The following C8B variants were observed in gnomAD, a reference collection of about 807,000 sequenced individuals.
The protein encoded by C8B is complement C8 beta chain, also known as complement component C8 beta chain.
A neutral mutation model predicts 64.6 loss-of-function variants in C8B; 67 were observed. The observed-to-expected ratio is 1.04, with a 90% CI of 0.85 to 1.27. The LOEUF (loss-of-function observed/expected upper bound fraction) is 1.27, where lower values mean the gene tolerates loss of function less well. Ranked by LOEUF, C8B falls within the 50% of genes most tolerant of loss-of-function variation. C8B has a pLI of 0.00. For missense variants in C8B, 790 were observed against 725.2 expected, an observed-to-expected ratio of 1.09 and a Z score of -1.03; for synonymous variants, 284 against 257.7, an observed-to-expected ratio of 1.10 and a Z score of -0.98.
At chr1:56,933,003 C>T (rs667093) in intron 10 of C8B, among the ~76,000 whole-genome samples, 1 of 152,144 alleles carries the variant, frequency 6.6e-6, no homozygotes, top group African/African-American at 2.4e-5. Flanking sequence ...CTTGCTGCTA[C>T]CCCCAAATCT....
At chr1:56,959,274 T>A (rs899829551) in intron 2 of C8B, among the ~76,000 whole-genome samples, 5 of 152,198 alleles carry the variant, frequency 3.3e-5, no homozygotes, top group Non-Finnish European at 7.3e-5. Context: ...GTCTACACAT[T>A]GAAAATGCAG....
rs1645076694 is a variant in C8B, at chr1:56,954,712, G to T, written c.507C>A (p.Tyr169Ter). 2 of 1,613,994 alleles carry T rather than the reference G, an allele frequency of 1.2e-6. No homozygotes were observed. The highest frequency in any genetic ancestry group is 1.7e-6 in the Non-Finnish European group (2 of 1,179,998). Reference protein sequence around the residue: ...YKKCQHEMDQYWGIGSLASGI... With the variant: ...YKKCQHEMDQ ...CACTGGCCAGACTGCCAATTCCCCA[G>T]TATTGGTCCATTTCATGCTGACATT... Residue 169 changes from tyrosine (Y) to a stop codon, truncating the protein, a stop_gained, in exon 4 of 12, where the codon TAC (tyrosine) becomes TAA (stop). Transcript: ENST00000371237. LOFTEE classifies it high-confidence loss of function.
chr1:56,948,986 C>T (rs1644981626), intron 6 of C8B, among the ~76,000 whole-genome samples: 1 of 149,282 alleles, frequency 6.7e-6, no homozygotes, highest in Non-Finnish European at 1.5e-5. Flanking sequence ...TCTGCCTGGT[C>T]TCTCTAAAAA....
rs1471248514 is a variant in C8B at position 56,965,848 on chromosome 1, G to T, written c.92+9C>A. On this transcript the variant is annotated intron_variant, in intron 1 of 11. Transcript: ENST00000371237. Reference sequence around the variant, plus strand: ...ATTGATCAGGGAATTATTGGTAACTGTCACTTACCTGGAGCCAGGCAAACT... The same window carrying T: ...ATTGATCAGGGAATTATTGGTAACTTTCACTTACCTGGAGCCAGGCAAACT... 1.9e-6 allele frequency: 3 copies of T among 1,613,992 alleles called. No individual in the cohort carries two copies. The South Asian group carries it at 3.3e-5, about 18-fold the overall frequency.
At chr1:56,958,655 G>A (rs1403309612) in intron 2 of C8B, among the ~76,000 whole-genome samples, 1 of 152,206 alleles carries the variant, frequency 6.6e-6, no homozygotes, top group Non-Finnish European at 1.5e-5. Flanking sequence ...CTGAGGGAAC[G>A]TCTGCGGCAG....
At chr1:56,959,011 C>T (rs974722838) in intron 2 of C8B, among the ~76,000 whole-genome samples, 2 of 152,188 alleles carry the variant, frequency 1.3e-5, no homozygotes, top group African/African-American at 4.8e-5. Flanking sequence ...GGCTGAATGA[C>T]AGATATTGCG....
chr1:56,943,568 G>T, intron 8 of C8B, 128 bp downstream of exon 8: 1 of 1,082,992 alleles, frequency 9.2e-7, no homozygotes. Flanking sequence ...ATAAAAAACA[G>T]AAGGACATAG....
chr1:56,959,521 C>T, intron 2 of C8B: 1 of 1,432,796 alleles, frequency 7.0e-7, no homozygotes, highest in South Asian at 1.2e-5. Flanking sequence ...TGGGAAATGT[C>T]ATCCTACCTG....
intron 3 of C8B, 104 bp from the exon 4 acceptor site, chr1:56,954,931 A>T: frequency 7.5e-7 from 1 of 1,337,604 alleles, no homozygotes; most frequent in South Asian, 1.2e-5. Context: ...CAGGCCTTGC[A>T]TGCTGCCCTG....
intron 8 of C8B, among the ~76,000 whole-genome samples, chr1:56,943,239 C>A (rs567237068): frequency 1.3e-5 from 2 of 152,258 alleles, no homozygotes; most frequent in South Asian, 4.1e-4. Context: ...CCCAGCAATT[C>A]CAGTCCTGTG....
At chr1:56,935,558 T>C (rs896392964) in intron 9 of C8B, among the ~76,000 whole-genome samples, 1 of 152,256 alleles carries the variant, frequency 6.6e-6, no homozygotes, top group Admixed American at 6.5e-5. Context: ...CAAGTTTCCA[T>C]ACTAAACCTT....
At chr1:56,947,574 T>C (rs947440413) in intron 6 of C8B, among the ~76,000 whole-genome samples, 2 of 152,202 alleles carry the variant, frequency 1.3e-5, no homozygotes, top group African/African-American at 2.4e-5. Context: ...TTTTCTAGGA[T>C]TGCATTGTAC....
chr1:56,938,837 C>T (rs936504745), intron 9 of C8B, among the ~76,000 whole-genome samples: 2 of 152,090 alleles, frequency 1.3e-5, no homozygotes, highest in Middle Eastern at 3.4e-3. Flanking sequence ...GTTGGCTTTG[C>T]GGAGAAGAAT....
chr1:56,951,697 T>G (rs1645022925), intron 5 of C8B, among the ~76,000 whole-genome samples: 1 of 152,144 alleles, frequency 6.6e-6, no homozygotes. Flanking sequence ...CCTCTATAAC[T>G]CCCAATTTAA....
chr1:56,940,091 T>G (rs1644829212), intron 9 of C8B, among the ~76,000 whole-genome samples: 1 of 152,146 alleles, frequency 6.6e-6, no homozygotes, highest in Admixed American at 6.6e-5. Flanking sequence ...CTATCTTCCC[T>G]TAGTACCTTA....
chr1:56,960,230 C>A, intron 1 of C8B, 54 bp from the exon 2 acceptor site: 3 of 1,478,972 alleles, frequency 2.0e-6, no homozygotes, highest in Non-Finnish European at 2.8e-6. Flanking sequence ...ATTAAGTATA[C>A]ATCCAACCAT....
At position 56,945,897 on chromosome 1, in the gene C8B, G is replaced by C. The variant is rs1380069891; in HGVS notation, c.1029C>G (p.His343Gln). ...YRDLFRDFGTHYITEAVLGGI... is the reference protein window; with the variant it reads ...YRDLFRDFGTQYITEAVLGGI... ...CCCCAAGCACAGCCTCTGTGATGTA[G>C]TGGGTCCCAAAATCACGGAAGAGAT... The change falls in exon 7 of 12, where the codon CAC becomes CAG. Residue 343 changes from histidine to glutamine, a missense_variant. His to Gln is a conservative substitution (Grantham distance 24). Coordinates refer to ENST00000371237, the MANE Select transcript of C8B (RefSeq NM_000066.4). 6.2e-7 allele frequency: 1 copy of C among 1,614,026 alleles called. No individual in the cohort carries two copies. Among genetic ancestry groups the C allele is most frequent in the East Asian group, 2.2e-5 (1 of 44,872 alleles).
chr1:56,936,720 G>A (rs768936578), intron 9 of C8B, among the ~76,000 whole-genome samples: 4 of 151,502 alleles, frequency 2.6e-5, no homozygotes, highest in Non-Finnish European at 4.4e-5. Context: ...TCAGCCTCCC[G>A]AGTAGCTGGA....
At chr1:56,955,133 C>CTTAAGTA (rs1645083967) in intron 3 of C8B, among the ~76,000 whole-genome samples, 1 of 152,062 alleles carries the variant, frequency 6.6e-6, no homozygotes, top group African/African-American at 2.4e-5. Context: ...TGAGCTGGGC[C>CTTAAGTA]ACTTTTCTCT....
Sources: allele counts gnomAD v4.1 joint callset (sites outside exome capture counted in the v4.1 genomes callset), GRCh38; gene constraint gnomAD v4.1.1; transcripts MANE v1.5; gene names NCBI Gene and HGNC (gene_info 2026-07-23, HGNC 2026-07-21).